MTMR7: variants seen among roughly 807,000 people sequenced by gnomAD.
MTMR7 encodes phosphatidylinositol-3-phosphate phosphatase MTMR7.
MTMR7 carries 76 observed loss-of-function variants against 81.2 expected under a neutral mutation model. The ratio of observed to expected loss-of-function variants is 0.94; its 90% CI spans 0.78 to 1.13. The LOEUF is 1.13. MTMR7 is among the 50% of genes most tolerant of loss of function. MTMR7 has a pLI of 0.00. For missense variants in MTMR7, 1,044 were observed against 820.0 expected, an observed-to-expected ratio of 1.27 and a Z score of -3.34; for synonymous variants, 372 against 289.8, an observed-to-expected ratio of 1.28 and a Z score of -2.88.
In MTMR7 at chr8:17,299,758, C is replaced by G; in HGVS notation, c.*104G>C. 1 of 1,484,466 alleles carries G rather than the reference C, an allele frequency of 6.7e-7. No homozygotes were observed. The highest frequency in any genetic ancestry group is 9.1e-7 in the Non-Finnish European group (1 of 1,099,444). The allele number at this position is 1,484,466 out of a possible 1,614,324, so 92.0% of individuals were successfully genotyped here. On this transcript the variant is annotated 3_prime_UTR_variant, in exon 14 of 14. Coordinates refer to ENST00000180173, the MANE Select transcript of MTMR7 (RefSeq NM_004686.5). The stretch of plus-strand genomic sequence containing the variant: ...TTCATAGCTGCATTAAAGTAGTTCT[C>G]AATGACATGCACCATTTCCTGTTTT...
intron 7 of MTMR7, 121 bp downstream of exon 7, chr8:17,331,029 G>A (rs983063542): frequency 8.4e-7 from 1 of 1,196,388 alleles, no homozygotes. Context: ...ACTGTAACAT[G>A]ATATTCTTCC....
At chr8:17,408,989 TTAAA>T (rs963064157) in intron 1 of MTMR7, among the ~76,000 whole-genome samples, 4 of 152,178 alleles carry the variant, frequency 2.6e-5, no homozygotes, top group African/African-American at 9.7e-5. Flanking sequence ...TTTTATCTCA[TTAAA>T]TATATATAAT....
intron 7 of MTMR7, among the ~76,000 whole-genome samples, chr8:17,327,904 A>G (rs931312606): frequency 2.0e-5 from 3 of 152,368 alleles, no homozygotes; most frequent in African/African-American, 7.2e-5. Context: ...TCATCTATAC[A>G]GTACAGATAA....
intron 7 of MTMR7, among the ~76,000 whole-genome samples, chr8:17,328,075 G>A (rs1027521864): frequency 6.6e-6 from 1 of 152,196 alleles, no homozygotes; most frequent in African/African-American, 2.4e-5. Context: ...TAATCTAACA[G>A]TCACGTGGAA....
chr8:17,346,594 T>C (rs1481953996), intron 5 of MTMR7, among the ~76,000 whole-genome samples: 1 of 151,844 alleles, frequency 6.6e-6, no homozygotes, highest in East Asian at 1.9e-4. Flanking sequence ...TCTGAGACAA[T>C]ACATATTTAA....
Position 17,297,559 on chromosome 8 carries a change from T to TTTA in MTMR7, c.*2300_*2302dup, listed in dbSNP as rs1816778619. 1 of 149,256 alleles carries TTTA rather than the reference T, an allele frequency of 6.7e-6. No individual in the cohort carries two copies. Among genetic ancestry groups the TTTA allele is most frequent in the African/African-American group, 2.5e-5 (1 of 40,118 alleles). 9.2% of individuals were successfully genotyped at this position (149,256 alleles called of 1,614,324 possible). On this transcript the variant is annotated 3_prime_UTR_variant, in exon 14 of 14. Transcript: ENST00000180173. ...GGGTCATGGTCAAAATTCTTACCTATTTATTTCATATCAACTTTAAAAAAT... is the reference window on the plus strand; with the variant it reads ...GGGTCATGGTCAAAATTCTTACCTATTTATTATTTCATATCAACTTTAAAAAAT...
intron 7 of MTMR7, among the ~76,000 whole-genome samples, chr8:17,321,323 A>G (rs1057401320): frequency 2.0e-5 from 3 of 152,356 alleles, no homozygotes; most frequent in Non-Finnish European, 4.4e-5. Flanking sequence ...TTCTCTGTCC[A>G]GTTAGCTCTC....
intron 3 of MTMR7, among the ~76,000 whole-genome samples, chr8:17,362,985 T>C (rs1410443613): frequency 6.6e-6 from 1 of 152,244 alleles, no homozygotes; most frequent in Non-Finnish European, 1.5e-5. Context: ...GTCAGTGAGA[T>C]AAATTATATT....
At chr8:17,366,222 T>C (rs1455337097) in intron 3 of MTMR7, among the ~76,000 whole-genome samples, 2 of 151,998 alleles carry the variant, frequency 1.3e-5, no homozygotes, top group Admixed American at 1.3e-4. Flanking sequence ...TTCTGCCAAA[T>C]AAGGGAGAGA....
intron 6 of MTMR7, among the ~76,000 whole-genome samples, chr8:17,337,789 T>C (rs528634903): frequency 6.6e-6 from 1 of 152,266 alleles, no homozygotes; most frequent in Non-Finnish European, 1.5e-5. Context: ...CTCATTTTTT[T>C]CTGTTTTTTG....
chr8:17,349,675 C>T (rs555421388), intron 4 of MTMR7, among the ~76,000 whole-genome samples: 14 of 152,294 alleles, frequency 9.2e-5, no homozygotes, highest in African/African-American at 3.4e-4. Flanking sequence ...GACCTTTCAG[C>T]CCATGCAGAT....
chr8:17,311,820 T>A, intron 8 of MTMR7, 184 bp from the exon 9 acceptor site: 1 of 845,388 alleles, frequency 1.2e-6, no homozygotes, highest in Non-Finnish European at 1.8e-6. Flanking sequence ...TGCTGGCAGC[T>A]AAAGCTTTCC....
chr8:17,394,414 A>T (rs1446383970), intron 1 of MTMR7, among the ~76,000 whole-genome samples: 3 of 152,210 alleles, frequency 2.0e-5, no homozygotes, highest in Non-Finnish European at 1.5e-5. Flanking sequence ...AACCTTGAAA[A>T]TCTTAAGTTA....
chr8:17,388,378 A>G (rs1417167861), intron 1 of MTMR7, among the ~76,000 whole-genome samples: 1 of 152,216 alleles, frequency 6.6e-6, no homozygotes, highest in African/African-American at 2.4e-5. Context: ...TTTGTAACTC[A>G]GTGAATACAT....
chr8:17,302,337 T>G (rs1440026903), intron 12 of MTMR7, 57 bp from the exon 13 acceptor site: 6 of 1,555,442 alleles, frequency 3.9e-6, no homozygotes, highest in African/African-American at 1.4e-5. Flanking sequence ...AAAATTCACA[T>G]CCTCAAGTCT....
At chr8:17,356,546 A>ACT (rs1296629651) in intron 4 of MTMR7, among the ~76,000 whole-genome samples, 7 of 151,728 alleles carry the variant, frequency 4.6e-5, no homozygotes, top group African/African-American at 1.7e-4. Context: ...TACTACTACT[A>ACT]ATAATAATAA....
At chr8:17,340,111 C>T (rs370505683) in intron 6 of MTMR7, among the ~76,000 whole-genome samples, 1 of 152,180 alleles carries the variant, frequency 6.6e-6, no homozygotes, top group East Asian at 1.9e-4. Flanking sequence ...ACCATGATGC[C>T]CAGCTAATTT....
At chr8:17,383,255 T>C (rs772468568) in intron 1 of MTMR7, among the ~76,000 whole-genome samples, 1 of 152,180 alleles carries the variant, frequency 6.6e-6, no homozygotes, top group Non-Finnish European at 1.5e-5. Context: ...GAAAAGCTTA[T>C]GGCAAAGGAG....
intron 1 of MTMR7, among the ~76,000 whole-genome samples, chr8:17,393,123 G>T (rs954762711): frequency 1.1e-4 from 17 of 152,162 alleles, no homozygotes; most frequent in Non-Finnish European, 1.9e-4. Context: ...ATAAATCCAA[G>T]CATCTATAAA....
Sources: gnomAD v4.1 joint callset for allele counts (sites outside exome capture counted in the v4.1 genomes callset) on GRCh38, gnomAD v4.1.1 for gene constraint, MANE v1.5 for transcripts, NCBI Gene and HGNC (gene_info 2026-07-23, HGNC 2026-07-21) for gene names.